Variants in ERC2 observed in about 807,000 individuals in gnomAD.
ERC2 encodes the protein ERC protein 2.
ERC2 carries 42 observed loss-of-function variants against 114.8 expected under a neutral mutation model. The ratio of observed to expected loss-of-function variants is 0.37; its 90% confidence interval spans 0.29 to 0.47. The LOEUF (loss-of-function observed/expected upper bound fraction) is 0.47. Among genes scored for constraint, ERC2 ranks in the 20% least tolerant of loss-of-function variants. The probability of loss-of-function intolerance (pLI) is 0.99; values close to 1 mark genes in which losing one functional copy is unlikely to be tolerated. For synonymous variants in ERC2, 454 were observed against 425.5 expected, an observed-to-expected ratio of 1.07 and a Z score of -0.82; for missense variants, 939 against 1,150.7, an observed-to-expected ratio of 0.82 and a Z score of 2.66.
At chr3:56,083,433 G>A (rs28582725) in intron 6 of ERC2, among the ~76,000 whole-genome samples, 26,788 of 152,030 alleles carry the variant, frequency 0.18, 2,497 homozygotes, top group African/African-American at 0.23. Flanking sequence ...ACAGGAGGGT[G>A]TTTTTCTGTT....
chr3:55,909,053 A>G (rs1049025479), intron 13 of ERC2, among the ~76,000 whole-genome samples: 1 of 152,156 alleles, frequency 6.6e-6, no homozygotes, highest in Admixed American at 6.5e-5. Context: ...TTTCCATGTT[A>G]CAGATCAGGC....
Position 56,007,210 on chromosome 3 carries a change from A to T in ERC2, c.2032T>A (p.Cys678Ser), listed in dbSNP as rs1183247573. 1.3e-6 allele frequency: 2 copies of T among 1,575,458 alleles called. No individual in the cohort carries two copies. The highest frequency in any genetic ancestry group is 1.7e-6 in the Non-Finnish European group (2 of 1,158,998). ...TTTAACTGTGCTTCCAATTTGCTAC[A>T]TTCCTCTTTCTTTTGTTCAATGGCT... ...EIAIEQKKEE[C>S]SKLEAQLKKA... is the part of the protein sequence containing the mutation. The change falls in exon 10 of 18, where the codon TGT (cysteine) becomes AGT (serine). Residue 678 changes from cysteine to serine, a missense_variant. Coordinates refer to ENST00000288221, the MANE Select transcript of ERC2 (RefSeq NM_015576.3).
At chr3:55,981,327 A>G (rs2070117463) in intron 12 of ERC2, among the ~76,000 whole-genome samples, 2 of 152,376 alleles carry the variant, frequency 1.3e-5, no homozygotes, top group Middle Eastern at 3.4e-3. Flanking sequence ...GCAGCTTTAA[A>G]GAAGGATATA....
chr3:55,792,241 T>C (rs2070097803), intron 14 of ERC2, among the ~76,000 whole-genome samples: 1 of 152,178 alleles, frequency 6.6e-6, no homozygotes, highest in Admixed American at 6.5e-5. Context: ...TAAATTGCAC[T>C]GACTGCTAAC....
chr3:56,202,787 T>C (rs2048481902), intron 3 of ERC2, among the ~76,000 whole-genome samples: 1 of 152,142 alleles, frequency 6.6e-6, no homozygotes, highest in Non-Finnish European at 1.5e-5. Context: ...AGTTATAAGA[T>C]GAATAAGTTC....
At chr3:55,590,982 C>A (rs989994944) in intron 17 of ERC2, among the ~76,000 whole-genome samples, 1 of 152,150 alleles carries the variant, frequency 6.6e-6, no homozygotes, top group African/African-American at 2.4e-5. Flanking sequence ...GCACCCGCCA[C>A]CACGTCCAGC....
rs145108884 is a variant in ERC2 at position 55,799,794 on chromosome 3, A to T, written c.2565-64876T>A. On this transcript the variant is annotated intron_variant, in intron 14 of 17. Transcript: ENST00000288221. ...TTTGCTTCCACCAGAGAACATTATC[A>T]TGATGTGATGAATTAGAAACCGAGA... Among the ~76,000 whole-genome samples, 759 of 152,272 alleles carry T rather than the reference A, an allele frequency of 5.0e-3. 6 individuals are homozygous for T. Among genetic ancestry groups the T allele is most frequent in the African/African-American group, 0.017 (714 of 41,552 alleles).
chr3:55,602,255 T>A (rs1343572319), intron 17 of ERC2, among the ~76,000 whole-genome samples: 1 of 152,158 alleles, frequency 6.6e-6, no homozygotes, highest in Non-Finnish European at 1.5e-5. Context: ...GAAAGATGCC[T>A]CTGGATCCAG....
chr3:56,131,482 C>T (rs1166053461), intron 6 of ERC2, among the ~76,000 whole-genome samples: 1 of 152,100 alleles, frequency 6.6e-6, no homozygotes, highest in South Asian at 2.1e-4. Context: ...ATGCTACTAA[C>T]TTTTCTAAAA....
intron 14 of ERC2, among the ~76,000 whole-genome samples, chr3:55,800,795 C>A (rs2070987582): frequency 6.6e-6 from 1 of 152,158 alleles, no homozygotes. Flanking sequence ...CCTCAGGCTT[C>A]CAGCAGAGTT....
intron 12 of ERC2, among the ~76,000 whole-genome samples, chr3:55,952,163 AC>A (rs2067577085): frequency 1.4e-5 from 1 of 73,538 alleles, no homozygotes; most frequent in East Asian, 2.9e-4. Flanking sequence ...ACACACACAC[AC>A]ACACACACAC....
intron 14 of ERC2, among the ~76,000 whole-genome samples, chr3:55,791,659 T>C (rs1032475357): frequency 7.2e-5 from 11 of 152,176 alleles, no homozygotes; most frequent in African/African-American, 2.2e-4. Context: ...AGGCACAATT[T>C]TGAATATAGG....
intron 2 of ERC2, among the ~76,000 whole-genome samples, chr3:56,416,883 T>G (rs1357421643): frequency 6.6e-6 from 1 of 152,184 alleles, no homozygotes; most frequent in African/African-American, 2.4e-5. Context: ...GTCATCATAT[T>G]GTTTGACCTT....
At chr3:55,777,750 C>T (rs921331183) in intron 14 of ERC2, among the ~76,000 whole-genome samples, 2 of 152,182 alleles carry the variant, frequency 1.3e-5, no homozygotes, top group African/African-American at 2.4e-5. Flanking sequence ...CATGCTGGAA[C>T]ATACACTTTT....
chr3:56,319,912 CT>C (rs1476809310), intron 2 of ERC2, among the ~76,000 whole-genome samples: 1 of 152,196 alleles, frequency 6.6e-6, no homozygotes, highest in Non-Finnish European at 1.5e-5. Flanking sequence ...GAGATCATGA[CT>C]AAAAAATTTC....
rs145932926 is a variant in ERC2, at chr3:56,259,135, G to A, written c.1074+36884C>T. Among the ~76,000 whole-genome samples, 221 of 151,992 alleles carry A rather than the reference G, an allele frequency of 1.5e-3. 2 individuals carry two copies. Among genetic ancestry groups the A allele is most frequent in the Non-Finnish European group, 2.6e-3 (174 of 67,956 alleles). On this transcript the variant is annotated intron_variant, in intron 3 of 17. Transcript: ENST00000288221. ...TTACAGGCCTGTGCCACCGTGCCTG[G>A]CTAATTTTGTATTTTTAGCAGAGAC...
intron 7 of ERC2, among the ~76,000 whole-genome samples, chr3:56,050,297 T>C (rs2075701947): frequency 6.6e-6 from 1 of 152,176 alleles, no homozygotes; most frequent in African/African-American, 2.4e-5. Flanking sequence ...ACAGAGCCCA[T>C]GGCCATGCAG....
intron 14 of ERC2, among the ~76,000 whole-genome samples, chr3:55,761,750 C>T (rs1453690487): frequency 6.6e-6 from 1 of 151,696 alleles, no homozygotes; most frequent in Non-Finnish European, 1.5e-5. Context: ...GTGGCGGGCG[C>T]CTGTAGTCCC....
At chr3:55,709,209 T>A (rs142444881) in intron 15 of ERC2, among the ~76,000 whole-genome samples, 1 of 152,078 alleles carries the variant, frequency 6.6e-6, no homozygotes, top group East Asian at 1.9e-4. Context: ...TAGGAGAATG[T>A]GAGGTTGAGT....
Sources: allele counts gnomAD v4.1 joint callset (sites outside exome capture counted in the v4.1 genomes callset), GRCh38; gene constraint gnomAD v4.1.1; transcripts MANE v1.5; gene names NCBI Gene and HGNC (gene_info 2026-07-23, HGNC 2026-07-21).